Variants in NAB1 observed in about 807,000 individuals in gnomAD.
NAB1 encodes the protein NGFI-A-binding protein 1.
In NAB1, 25 loss-of-function variants were observed where a neutral mutation model predicts 49.9. The ratio of observed to expected loss-of-function variants is 0.50; its 90% CI spans 0.37 to 0.70. The LOEUF is 0.70. Among genes scored for constraint, NAB1 ranks in the 30% least tolerant of loss-of-function variants. The probability of loss-of-function intolerance (pLI) is 0.00; values close to 1 mark genes in which losing one functional copy is unlikely to be tolerated. For missense variants in NAB1, 489 were observed against 575.9 expected, an observed-to-expected ratio of 0.85 and a Z score of 1.54; for synonymous variants, 198 against 215.6, an observed-to-expected ratio of 0.92 and a Z score of 0.71.
At position 190,678,238 on chromosome 2, in the gene NAB1, C is replaced by T. The variant is rs887693; in HGVS notation, c.1005+5086C>T. On this transcript the variant is annotated intron_variant, in intron 6 of 9. Transcript: ENST00000337386. This position sits in a 1 kb window ranked among gnomAD's most constrained non-coding sequence, Gnocchi z 4.9. ...ATTCAAGGGGATGAAAAATCAAGAGCCAAAGTCCCTGGCTCTCTTGTCTTC... is the reference window on the plus strand; with the variant it reads ...ATTCAAGGGGATGAAAAATCAAGAGTCAAAGTCCCTGGCTCTCTTGTCTTC... 0.02 allele frequency among the ~76,000 whole-genome samples: 3,101 copies of T among 152,138 alleles called. 107 individuals are homozygous for T. Among genetic ancestry groups the T allele is most frequent in the African/African-American group, 0.071 (2,934 of 41,484 alleles).
In NAB1 at chr2:190,684,247, AC is replaced by A. The variant is rs1406036516; in HGVS notation, c.1095+421del. ...CTTTTAAATTCATATTTATTGAAAA[AC>A]TATTAAATGAATATGTGGCTTCAGG... On this transcript the variant is annotated intron_variant, in intron 7 of 9. Coordinates refer to ENST00000337386, the MANE Select transcript of NAB1 (RefSeq NM_005966.4). This position sits in a 1 kb window ranked among gnomAD's most constrained non-coding sequence, Gnocchi z 4.6. Among the ~76,000 whole-genome samples, 1 of 152,212 alleles carries A rather than the reference AC, an allele frequency of 6.6e-6. No homozygotes were observed. The highest frequency in any genetic ancestry group is 1.5e-5 in the Non-Finnish European group (1 of 68,042).
intron 9 of NAB1, among the ~76,000 whole-genome samples, chr2:190,688,932 G>A (rs1458605008): frequency 2.0e-5 from 3 of 151,544 alleles, no homozygotes; most frequent in Non-Finnish European, 4.4e-5. Flanking sequence ...TCCTCCTCCC[G>A]GGTTTACGCC....
intron 4 of NAB1, among the ~76,000 whole-genome samples, chr2:190,661,631 G>T (rs1482724918): frequency 1.3e-5 from 2 of 152,124 alleles, no homozygotes; most frequent in East Asian, 3.8e-4. Context: ...CTTAGCTTTT[G>T]CTAAGGGGCT....
At position 190,689,797 on chromosome 2, in the gene NAB1, C is replaced by T. The variant is rs1695824408; in HGVS notation, c.1376-448C>T. Among the ~76,000 whole-genome samples the T allele has an allele frequency of 6.6e-6, 1 of 151,664 alleles. No homozygotes were observed. Among genetic ancestry groups the T allele is most frequent in the African/African-American group, 2.4e-5 (1 of 41,286 alleles). On this transcript the variant is annotated intron_variant, in intron 9 of 9. Transcript: ENST00000337386. The surrounding 1 kb of genome is among the most constrained non-coding windows in gnomAD (Gnocchi z 4.3). Reference sequence around the variant, plus strand: ...CTTCATTGATGGTAAATATTTTAACCAGTAACAGTTATTTATGAATAATCA... The same window carrying T: ...CTTCATTGATGGTAAATATTTTAACTAGTAACAGTTATTTATGAATAATCA...
rs1695899166 is a variant in NAB1 at position 190,690,479 on chromosome 2, G to A, written c.*146G>A. 5.2e-6 allele frequency: 3 copies of A among 581,942 alleles called. No individual in the cohort carries two copies. Among genetic ancestry groups the A allele is most frequent in the Non-Finnish European group, 9.1e-6 (3 of 329,826 alleles). The allele number at this position is 581,942 out of a possible 1,614,324, so 36.0% of individuals were successfully genotyped here. On this transcript the variant is annotated 3_prime_UTR_variant, in exon 10 of 10. Transcript: ENST00000337386. ...AGCAAAAGGACTGGTACGGTAGTCT[G>A]TGGAAACCAGGAAGATAAAACAACA...
chr2:190,667,346 T>G lies in NAB1; in HGVS notation c.820-2980T>G, dbSNP rs1239654089. On this transcript the variant is annotated intron_variant, in intron 4 of 9. Coordinates refer to ENST00000337386, the MANE Select transcript of NAB1 (RefSeq NM_005966.4). This position sits in a 1 kb window ranked among gnomAD's most constrained non-coding sequence, Gnocchi z 4.4. ...ATCTTACTGAAAATCAGAGGTTTCC[T>G]TAGTAATTTAGATTTATTAATATGA... 2.6e-5 allele frequency among the ~76,000 whole-genome samples: 4 copies of G among 152,250 alleles called. No homozygotes were observed. The highest frequency in any genetic ancestry group is 2.0e-4 in the Admixed American group (3 of 15,288).
Position 190,657,376 on chromosome 2 carries a change from T to C in NAB1, c.-20+1223T>C, listed in dbSNP as rs12468858. Reference sequence around the variant, plus strand: ...TAAAGAATTACCTGGGTCATCACAGTACCTGTAGGAGTTTGTGGTGCCCGG... The same window carrying C: ...TAAAGAATTACCTGGGTCATCACAGCACCTGTAGGAGTTTGTGGTGCCCGG... On this transcript the variant is annotated intron_variant, in intron 3 of 9. Transcript: ENST00000337386. The surrounding 1 kb of genome is among the most constrained non-coding windows in gnomAD (Gnocchi z 4.4). Among the ~76,000 whole-genome samples the C allele has an allele frequency of 6.6e-6, 1 of 152,174 alleles. No individual in the cohort carries two copies. Among genetic ancestry groups the C allele is most frequent in the East Asian group, 1.9e-4 (1 of 5,190 alleles).
chr2:190,651,552 CTAAAGAAAATA>C lies in NAB1; in HGVS notation c.-197+1573_-197+1583del, dbSNP rs1323949123. On this transcript the variant is annotated intron_variant, in intron 2 of 9. Transcript: ENST00000337386. The surrounding 1 kb of genome is among the most constrained non-coding windows in gnomAD (Gnocchi z 4.3). The stretch of plus-strand genomic sequence containing the variant: ...GATGAAAACAGAAGTATGTCAGTTT[CTAAAGAAAATA>C]TAGACATGGGGTCTCGCTGTGTTGC... Among the ~76,000 whole-genome samples, 2 of 152,042 alleles carry C rather than the reference CTAAAGAAAATA, an allele frequency of 1.3e-5. No individual in the cohort carries two copies. The highest frequency in any genetic ancestry group is 2.9e-5 in the Non-Finnish European group (2 of 67,982).
rs961902800 is a variant in NAB1, at chr2:190,682,342, G to C, written c.1006-1396G>C. On this transcript the variant is annotated intron_variant, in intron 6 of 9. Coordinates refer to ENST00000337386, the MANE Select transcript of NAB1 (RefSeq NM_005966.4). This position sits in a 1 kb window ranked among gnomAD's most constrained non-coding sequence, Gnocchi z 4.1. Reference sequence around the variant, plus strand: ...TCAATTTTCCTGTGAGGAAACTGAAGTTCAGAAAGGTTAAGTTACTCATCC... The same window carrying C: ...TCAATTTTCCTGTGAGGAAACTGAACTTCAGAAAGGTTAAGTTACTCATCC... Among the ~76,000 whole-genome samples, 7 of 152,154 alleles carry C rather than the reference G, an allele frequency of 4.6e-5. No individual in the cohort carries two copies. The highest frequency in any genetic ancestry group is 1.7e-4 in the African/African-American group (7 of 41,448).
Position 190,670,865 on chromosome 2 carries a change from A to G in NAB1, c.953+406A>G, listed in dbSNP as rs1694769089. ...TTGCAAGGTGTTTGAATCTGATGAGATTAGCTGAATATGTAAAACGACTCT... is the reference window on the plus strand; with the variant it reads ...TTGCAAGGTGTTTGAATCTGATGAGGTTAGCTGAATATGTAAAACGACTCT... On this transcript the variant is annotated intron_variant, in intron 5 of 9. Coordinates refer to ENST00000337386, the MANE Select transcript of NAB1 (RefSeq NM_005966.4). This position sits in a 1 kb window ranked among gnomAD's most constrained non-coding sequence, Gnocchi z 5.3. Among the ~76,000 whole-genome samples, 1 of 151,540 alleles carries G rather than the reference A, an allele frequency of 6.6e-6. No homozygotes were observed. Among genetic ancestry groups the G allele is most frequent in the South Asian group, 2.1e-4 (1 of 4,672 alleles).
At position 190,674,620 on chromosome 2, in the gene NAB1, T is replaced by C. The variant is rs567289318; in HGVS notation, c.1005+1468T>C. On this transcript the variant is annotated intron_variant, in intron 6 of 9. Coordinates refer to ENST00000337386, the MANE Select transcript of NAB1 (RefSeq NM_005966.4). The surrounding 1 kb of genome is among the most constrained non-coding windows in gnomAD (Gnocchi z 5.7). ...GAGTTTGTAACAGCCTTGCACCTAA[T>C]AGGCACTTAATAAAATCTATAGAAT... Among the ~76,000 whole-genome samples the C allele has an allele frequency of 1.5e-4, 23 of 152,324 alleles. No individual in the cohort carries two copies. Among genetic ancestry groups the C allele is most frequent in the Admixed American group, 1.3e-3 (20 of 15,304 alleles).
rs1479617920 is a variant in NAB1 at position 190,651,145 on chromosome 2, T to C, written c.-197+1163T>C. Among the ~76,000 whole-genome samples the C allele has an allele frequency of 6.6e-6, 1 of 152,238 alleles. No individual in the cohort carries two copies. The highest frequency in any genetic ancestry group is 2.4e-5 in the African/African-American group (1 of 41,468). ...TTCTGCCTGCTAATTATGGATGTAA[T>C]TCAAATGACAGAAATTCTTAGGATT... On this transcript the variant is annotated intron_variant, in intron 2 of 9. Transcript: ENST00000337386. This position sits in a 1 kb window ranked among gnomAD's most constrained non-coding sequence, Gnocchi z 4.3.
At chr2:190,662,408 A>C (rs1372082302) in intron 4 of NAB1, among the ~76,000 whole-genome samples, 1 of 151,818 alleles carries the variant, frequency 6.6e-6, no homozygotes, top group African/African-American at 2.4e-5. Flanking sequence ...TTTTAAGCTA[A>C]AGAATCAGCA....
rs189618013 is a variant in NAB1, at chr2:190,674,021, C to T, written c.1005+869C>T. ...TTCAAGTTAAAGCAAATAATCTATG[C>T]TTGACCACCCTAAATTTCTGTCATC... On this transcript the variant is annotated intron_variant, in intron 6 of 9. Coordinates refer to ENST00000337386, the MANE Select transcript of NAB1 (RefSeq NM_005966.4). This position sits in a 1 kb window ranked among gnomAD's most constrained non-coding sequence, Gnocchi z 5.7. 1.0e-3 allele frequency among the ~76,000 whole-genome samples: 154 copies of T among 152,284 alleles called. No individual in the cohort carries two copies. The highest frequency in any genetic ancestry group is 1.6e-3 in the Non-Finnish European group (111 of 68,016).
Position 190,689,972 on chromosome 2 carries a change from G to A in NAB1, c.1376-273G>A, listed in dbSNP as rs1292448579. On this transcript the variant is annotated intron_variant, in intron 9 of 9. Transcript: ENST00000337386. The surrounding 1 kb of genome is among the most constrained non-coding windows in gnomAD (Gnocchi z 4.3). ...CCTATTTTATAAATGAAGACATTAA[G>A]GCTTAGAGAGGTGTATAACTTGCCC... Among the ~76,000 whole-genome samples the A allele has an allele frequency of 5.7e-5, 1 of 17,684 alleles. No homozygotes were observed. Among genetic ancestry groups the A allele is most frequent in the African/African-American group, 1.9e-4 (1 of 5,228 alleles). 11.6% of individuals were successfully genotyped at this position (17,684 alleles called of 152,430 possible).
chr2:190,665,282 C>A (rs1361334297), intron 4 of NAB1, among the ~76,000 whole-genome samples: 3 of 149,326 alleles, frequency 2.0e-5, no homozygotes, highest in Admixed American at 1.3e-4. Flanking sequence ...AAGATCATGC[C>A]ACTGCACTCC....
intron 2 of NAB1, 96 bp from the exon 3 acceptor site, chr2:190,655,881 C>T (rs758964946): frequency 6.6e-6 from 1 of 152,188 alleles, no homozygotes; most frequent in Non-Finnish European, 1.5e-5. Flanking sequence ...AAATGATTAC[C>T]GTTTAAAAGA....
rs1359163795 is a variant in NAB1 at position 190,651,249 on chromosome 2, C to T, written c.-197+1267C>T. 6.7e-6 allele frequency among the ~76,000 whole-genome samples: 1 copy of T among 149,030 alleles called. No individual in the cohort carries two copies. The highest frequency in any genetic ancestry group is 1.9e-4 in the East Asian group (1 of 5,170). Reference sequence around the variant, plus strand: ...GATCTATCTAAAAAATACTTTATCTCATCTTATTTCAAAATTATTCAGTTG... The same window carrying T: ...GATCTATCTAAAAAATACTTTATCTTATCTTATTTCAAAATTATTCAGTTG... On this transcript the variant is annotated intron_variant, in intron 2 of 9. Coordinates refer to ENST00000337386, the MANE Select transcript of NAB1 (RefSeq NM_005966.4). This position sits in a 1 kb window ranked among gnomAD's most constrained non-coding sequence, Gnocchi z 4.3.
rs1163601684 is a variant in NAB1 at position 190,666,993 on chromosome 2, GAGC to G, written c.820-3331_820-3329del. Among the ~76,000 whole-genome samples, 1 of 152,146 alleles carries G rather than the reference GAGC, an allele frequency of 6.6e-6. No homozygotes were observed. The stretch of plus-strand genomic sequence containing the variant: ...GATGTGTTCATTATTAGCAGCTAGG[GAGC>G]ATGAAATCTAGGTAACTCTGACAGA... On this transcript the variant is annotated intron_variant, in intron 4 of 9. Transcript: ENST00000337386. This position sits in a 1 kb window ranked among gnomAD's most constrained non-coding sequence, Gnocchi z 5.6.
Sources: gnomAD v4.1 joint callset for allele counts (sites outside exome capture counted in the v4.1 genomes callset) on GRCh38, gnomAD v4.1.1 for gene constraint, Gnocchi (gnomAD v3.1) non-coding constraint, MANE v1.5 for transcripts, NCBI Gene and HGNC (gene_info 2026-07-23, HGNC 2026-07-21) for gene names.